Variants in RSF1 observed in about 807,000 individuals in gnomAD.
The protein encoded by RSF1 is remodeling and spacing factor 1.
Under a neutral mutation model 145.2 loss-of-function variants are expected in RSF1, and 13 were observed. The observed-to-expected ratio is 0.09, with a 90% CI of 0.06 to 0.14. The LOEUF (loss-of-function observed/expected upper bound fraction) is 0.14. Among genes scored for constraint, RSF1 ranks in the 10% least tolerant of loss-of-function variants. The pLI is 1.00. For missense variants in RSF1, 1,517 were observed against 1,718.2 expected, an observed-to-expected ratio of 0.88 and a Z score of 2.07; for synonymous variants, 577 against 592.6, an observed-to-expected ratio of 0.97 and a Z score of 0.38.
At chr11:77,841,616 A>T in the RSF1 span, among the ~76,000 whole-genome samples, 42 of 152,216 alleles carry the variant, frequency 2.8e-4, no homozygotes, top group African/African-American at 8.9e-4. Flanking sequence ...TCCACTGTGT[A>T]TGTGCTGAGG....
At chr11:77,862,256 G>A in the RSF1 span, among the ~76,000 whole-genome samples, 3 of 152,118 alleles carry the variant, frequency 2.0e-5, no homozygotes, top group East Asian at 1.9e-4. Flanking sequence ...ACCAGAGATC[G>A]CCAAACTCTC....
chr11:77,768,075 T>C (rs538453355), intron 1 of RSF1, among the ~76,000 whole-genome samples: 3 of 151,314 alleles, frequency 2.0e-5, no homozygotes, highest in African/African-American at 7.3e-5. Context: ...TAAAATATTA[T>C]AAAAAGTAAA....
chr11:77,844,389 G>A, the RSF1 span, among the ~76,000 whole-genome samples: 6 of 151,630 alleles, frequency 4.0e-5, no homozygotes, highest in Admixed American at 3.3e-4. Context: ...TTTGGAGACA[G>A]TCTCCCTCTG....
chr11:77,786,704 C>T (rs1948460194), intron 1 of RSF1, among the ~76,000 whole-genome samples: 1 of 152,134 alleles, frequency 6.6e-6, no homozygotes, highest in Non-Finnish European at 1.5e-5. Context: ...GCTCACCCTC[C>T]TGCCCAAATC....
chr11:77,676,789 C>A lies in RSF1; in HGVS notation c.3341+3G>T, dbSNP rs770337776. 3 of 1,613,224 alleles carry A rather than the reference C, an allele frequency of 1.9e-6. No individual in the cohort carries two copies. In the South Asian group the frequency reaches 3.3e-5, roughly 18 times the overall value. On this transcript the variant is annotated splice_donor_region_variant and intron_variant, in intron 13 of 15. Transcript: ENST00000308488. Reference sequence around the variant, plus strand: ...GATCGGGGCCTAGTAGGAGACCACACACCCATCACTGATCTTGAATTCATC... The same window carrying A: ...GATCGGGGCCTAGTAGGAGACCACAAACCCATCACTGATCTTGAATTCATC...
chr11:77,834,738 T>C, the RSF1 span, among the ~76,000 whole-genome samples: 4 of 152,124 alleles, frequency 2.6e-5, no homozygotes, highest in African/African-American at 9.7e-5. Context: ...TTAAGGGTAA[T>C]TCAAATGGCT....
the RSF1 span, among the ~76,000 whole-genome samples, chr11:77,834,441 G>GTTTTTTTTTTTTTTTTT: frequency 9.5e-6 from 1 of 105,546 alleles, no homozygotes; most frequent in Non-Finnish European, 1.9e-5. Flanking sequence ...AGTTGATTTT[G>GTTTTTTTTTTTTTTTTT]TTTTTTTTTT....
chr11:77,797,728 C>G (rs1948586871), intron 1 of RSF1, among the ~76,000 whole-genome samples: 1 of 152,242 alleles, frequency 6.6e-6, no homozygotes, highest in Non-Finnish European at 1.5e-5. Context: ...AACAGGCAAC[C>G]CATAGAATGA....
At chr11:77,720,671 T>A (rs1381331089) in intron 5 of RSF1, among the ~76,000 whole-genome samples, 2 of 152,258 alleles carry the variant, frequency 1.3e-5, no homozygotes, top group East Asian at 1.9e-4. Context: ...TTCCTTGAAG[T>A]ATAATCAGAC....
chr11:77,833,102 C>T, the RSF1 span, among the ~76,000 whole-genome samples: 6 of 148,318 alleles, frequency 4.0e-5, no homozygotes, highest in East Asian at 2.0e-4. Context: ...CCTCAATCTC[C>T]GAGGTTCAAG....
chr11:77,858,589 G>T, the RSF1 span, among the ~76,000 whole-genome samples: 1 of 152,094 alleles, frequency 6.6e-6, no homozygotes, highest in Non-Finnish European at 1.5e-5. Flanking sequence ...GGGATTCTTA[G>T]TCGGCCTAGG....
intron 5 of RSF1, among the ~76,000 whole-genome samples, chr11:77,711,113 A>ACCC (rs893995601): frequency 2.4e-4 from 34 of 140,348 alleles, no homozygotes; most frequent in African/African-American, 8.7e-4. Flanking sequence ...ACACATAGAC[A>ACCC]CCCCCCCTGA....
the RSF1 span, among the ~76,000 whole-genome samples, chr11:77,868,157 G>A: frequency 1.3e-5 from 2 of 149,218 alleles, no homozygotes; most frequent in Admixed American, 6.8e-5. Context: ...CCAGGTTCAC[G>A]CCATTCTCCT....
At chr11:77,860,177 G>A in the RSF1 span, among the ~76,000 whole-genome samples, 1 of 152,172 alleles carries the variant, frequency 6.6e-6, no homozygotes, top group Non-Finnish European at 1.5e-5. Flanking sequence ...TTAACACTGG[G>A]GCTTGGGTTA....
chr11:77,790,836 G>A (rs1948509739), intron 1 of RSF1, among the ~76,000 whole-genome samples: 1 of 152,188 alleles, frequency 6.6e-6, no homozygotes, highest in South Asian at 2.1e-4. Context: ...GGTTCCCATG[G>A]TCTTGGGCAG....
chr11:77,739,225 C>T (rs1343086085), intron 4 of RSF1: 3 of 152,592 alleles, frequency 2.0e-5, no homozygotes. Context: ...AGGTGTGAAC[C>T]ACCGCACCCA....
intron 2 of RSF1, among the ~76,000 whole-genome samples, chr11:77,749,707 T>C (rs1298050895): frequency 2.0e-5 from 3 of 152,224 alleles, no homozygotes; most frequent in Admixed American, 6.5e-5. Flanking sequence ...ATTTATAACA[T>C]TTAGGGTACA....
chr11:77,702,134 C>T lies in RSF1; in HGVS notation c.1095G>A (p.Glu365=), dbSNP rs772856541. The T allele has an allele frequency of 6.2e-7, 1 of 1,613,690 alleles. No homozygotes were observed. Among genetic ancestry groups the T allele is most frequent in the South Asian group, 1.1e-5 (1 of 90,936 alleles). ...GNIKSSHEIT[E]KSTEETEKLK... ...GTTTCTCAGTTTCTTCAGTAGATTT[C>T]TCAGTAATTTCGTGAGAAGATTTAA... The change falls in exon 6 of 16, where the codon GAG becomes GAA. Residue 365 remains glutamate, a synonymous_variant. Transcript: ENST00000308488.
the RSF1 span, among the ~76,000 whole-genome samples, chr11:77,871,145 T>C: frequency 6.6e-6 from 1 of 152,322 alleles, no homozygotes; most frequent in South Asian, 2.1e-4. Context: ...GTTTTCCCCA[T>C]TACAATAATT....
Sources: allele counts gnomAD v4.1 joint callset (sites outside exome capture counted in the v4.1 genomes callset), GRCh38; gene constraint gnomAD v4.1.1; transcripts MANE v1.5; gene names NCBI Gene and HGNC (gene_info 2026-07-23, HGNC 2026-07-21).